The following TTC13 variants were observed in gnomAD, a reference collection of about 807,000 sequenced individuals.
The protein encoded by TTC13 is tetratricopeptide repeat protein 13.
TTC13 carries 62 observed loss-of-function variants against 120.0 expected under a neutral mutation model. The observed-to-expected ratio is 0.52, with a 90% CI of 0.42 to 0.64. The LOEUF (loss-of-function observed/expected upper bound fraction) is 0.64. Ranked by LOEUF, TTC13 falls within the 30% of genes least tolerant of loss-of-function variation. TTC13 has a pLI of 0.00. For missense variants in TTC13, 824 were observed against 1,050.2 expected (o/e 0.78, Z 2.98); for synonymous variants, 384 against 393.5 (o/e 0.98, Z 0.28).
chr1:230,929,064 C>G lies in TTC13; in HGVS notation c.1330G>C (p.Asp444His). ...EYSRYLHAHL[D>H]TPLTEYNIDV... ...ATGTTATATTCCGTAAGGGGGGTAT[C>G]AAGGTGTGCATGAAGATATCGAGAA... is the stretch of plus-strand genomic sequence containing the variant. The change falls in exon 12 of 23, where the codon GAT becomes CAT. Residue 444 changes from aspartate (D) to histidine (H), a missense_variant. Physicochemically the swap from Asp to His is moderately conservative, Grantham distance 81. Coordinates refer to ENST00000366661, the MANE Select transcript of TTC13 (RefSeq NM_024525.5). 1 of 1,614,048 alleles carries G rather than the reference C, an allele frequency of 6.2e-7. No homozygotes were observed. Among genetic ancestry groups the G allele is most frequent in the Non-Finnish European group, 8.5e-7 (1 of 1,180,002 alleles).
intron 13 of TTC13, among the ~76,000 whole-genome samples, 151 bp downstream of exon 13, chr1:230,925,364 TCA>T (rs1672962373): frequency 6.6e-6 from 1 of 152,202 alleles, no homozygotes; most frequent in Admixed American, 6.5e-5. Flanking sequence ...CTTTCAGAAT[TCA>T]GTTTGAATGA....
chr1:230,920,470 C>T (rs780862134), intron 17 of TTC13, 40 bp downstream of exon 17: 1 of 1,440,088 alleles, frequency 6.9e-7, no homozygotes, highest in Non-Finnish European at 9.8e-7. Context: ...GTTTTCTTTT[C>T]CTCTAAAAAC....
rs749849139 is a variant in TTC13 at position 230,954,363 on chromosome 1, T to G, written c.483A>C (p.Glu161Asp). The G allele has an allele frequency of 2.1e-5, 34 of 1,612,684 alleles. No individual in the cohort carries two copies. Among genetic ancestry groups the G allele is most frequent in the Non-Finnish European group, 2.8e-5 (33 of 1,179,356 alleles). The change falls in exon 4 of 23, where the codon GAA (glutamate) becomes GAC (aspartate). Residue 161 changes from glutamate (E) to aspartate (D), a missense_variant. Physicochemically the swap from Glu to Asp is conservative, Grantham distance 45 (BLOSUM62 2). Coordinates refer to ENST00000366661, the MANE Select transcript of TTC13 (RefSeq NM_024525.5). ...YVLIGSGLYD[E>D]AIRHFSTMLQ... ...GCATTGTTGAAAAATGCCGTATTGCTTCATCATACAGACCACTGCCAATCA... is the reference window on the plus strand; with the variant it reads ...GCATTGTTGAAAAATGCCGTATTGCGTCATCATACAGACCACTGCCAATCA...
chr1:230,933,103 G>A (rs888501932), intron 9 of TTC13, among the ~76,000 whole-genome samples: 1 of 152,098 alleles, frequency 6.6e-6, no homozygotes, highest in Non-Finnish European at 1.5e-5. Context: ...CTCCCAAGTA[G>A]TTGGGATTAC....
chr1:230,978,812 A>C lies in TTC13; in HGVS notation c.19T>G (p.Cys7Gly), dbSNP rs1294750254. Residue 7 changes from cysteine to glycine, a missense_variant, in exon 1 of 23, where the codon TGC becomes GGC. Physicochemically the swap from Cys to Gly is radical, Grantham distance 159 (BLOSUM62 -3). This residue lies in a region of TTC13 where 160 missense variants were observed against 137.2 expected (regional missense o/e 1.17). Coordinates refer to ENST00000366661, the MANE Select transcript of TTC13 (RefSeq NM_024525.5). The surrounding 1 kb of genome is among the most constrained non-coding windows in gnomAD (Gnocchi z 5.6). ...CCGCCCCAGAAGCAGCAGCAGCAGC[A>C]GCAGCCGGCAGGTGCCATCTTCCCT... MAPAGC[C>G]CCCCFWGGAV... 3.4e-6 allele frequency: 5 copies of C among 1,487,624 alleles called. No individual in the cohort carries two copies. The highest frequency in any genetic ancestry group is 4.4e-6 in the Non-Finnish European group (5 of 1,128,910). 92.2% of individuals were successfully genotyped at this position (1,487,624 alleles called of 1,614,324 possible).
chr1:230,918,623 G>A (rs560761327), intron 17 of TTC13, among the ~76,000 whole-genome samples: 13 of 152,246 alleles, frequency 8.5e-5, no homozygotes, highest in South Asian at 2.1e-4. Context: ...GAAGGTTGAG[G>A]GGCACTGTGT....
At chr1:230,933,742 G>T in intron 9 of TTC13, 37 bp downstream of exon 9, 1 of 1,200,938 alleles carries the variant, frequency 8.3e-7, no homozygotes, top group Non-Finnish European at 1.2e-6. Flanking sequence ...CCACTCTTCA[G>T]CCTCCCTCCT....
rs1017516343 is a variant in TTC13, at chr1:230,924,849, T to A, written c.1713A>T (p.Lys571Asn). Residue 571 changes from lysine to asparagine, a missense_variant, in exon 14 of 23, where the codon AAA (lysine) becomes AAT (asparagine). Coordinates refer to ENST00000366661, the MANE Select transcript of TTC13 (RefSeq NM_024525.5). ...ACTGAGATGTTAGTTACCTTCTCCATTTAACTGCAATGTCAAACATGTCTC... is the reference window on the plus strand; with the variant it reads ...ACTGAGATGTTAGTTACCTTCTCCAATTAACTGCAATGTCAAACATGTCTC... ...QWRDMFDIAV[K>N]WRRIADPDQP... is the part of the protein sequence containing the mutation. The A allele has an allele frequency of 6.2e-7, 1 of 1,614,218 alleles. No homozygotes were observed. The highest frequency in any genetic ancestry group is 1.1e-5 in the South Asian group (1 of 91,086).
intron 4 of TTC13, among the ~76,000 whole-genome samples, chr1:230,948,400 C>CAAAAAAAAAAAAAAA (rs57051929): frequency 1.0e-5 from 1 of 96,612 alleles, no homozygotes. Context: ...ACTCACAATA[C>CAAAAAAAAAAAAAAA]AAAAAAAAAA....
intron 3 of TTC13, among the ~76,000 whole-genome samples, chr1:230,956,077 C>T (rs749064802): frequency 2.6e-5 from 4 of 152,204 alleles, no homozygotes; most frequent in Non-Finnish European, 5.9e-5. Context: ...ATTTGCTCCT[C>T]CACTGCAATG....
In TTC13 at chr1:230,939,407, G is replaced by T. The variant is rs756348825; in HGVS notation, c.879C>A (p.Phe293Leu). The T allele has an allele frequency of 3.1e-6, 5 of 1,610,356 alleles. No individual in the cohort carries two copies. Among genetic ancestry groups the T allele is most frequent in the Non-Finnish European group, 4.2e-6 (5 of 1,177,286 alleles). Residue 293 changes from phenylalanine to leucine, a missense_variant, in exon 8 of 23, where the codon TTC becomes TTA. Physicochemically the swap from Phe to Leu is conservative, Grantham distance 22. This residue lies in a region of TTC13 where 430 missense variants were observed against 626.8 expected (regional missense o/e 0.69). Coordinates refer to ENST00000366661, the MANE Select transcript of TTC13 (RefSeq NM_024525.5). ...PIAMLYKGLT[F>L]FHRGLLKEAI... ...TCACCTTCAGAAGTCCTCTGTGAAA[G>T]AAAGTTAAACCTTTGTATAGCATAG...
rs1442008843 is a variant in TTC13 at position 230,921,404 on chromosome 1, G to A, written c.1898+17C>T. 5 of 1,360,066 alleles carry A rather than the reference G, an allele frequency of 3.7e-6. No individual in the cohort carries two copies. The South Asian group carries it at 6.3e-5, about 17-fold the overall frequency. The allele number at this position is 1,360,066 out of a possible 1,614,324, so 84.2% of individuals were successfully genotyped here. ...GAAATCAACTCATTACTAAGAAGGA[G>A]AAAATTAAAGGCTTACCCATGATAA... On this transcript the variant is annotated intron_variant, in intron 16 of 22. Coordinates refer to ENST00000366661, the MANE Select transcript of TTC13 (RefSeq NM_024525.5).
intron 1 of TTC13, among the ~76,000 whole-genome samples, chr1:230,970,346 A>G (rs1677608583): frequency 6.6e-6 from 1 of 152,242 alleles, no homozygotes; most frequent in Admixed American, 6.5e-5. Context: ...CCTTTGAGGA[A>G]TTCTGCTGTA....
At chr1:230,939,017 C>CA (rs1674322655) in intron 8 of TTC13, among the ~76,000 whole-genome samples, 1 of 152,322 alleles carries the variant, frequency 6.6e-6, no homozygotes, top group African/African-American at 2.4e-5. Flanking sequence ...TAATCCTACT[C>CA]AGTCTTCCAG....
At position 230,961,227 on chromosome 1, in the gene TTC13, G is replaced by C; in HGVS notation, c.348C>G (p.Leu116=). 1 of 1,613,840 alleles carries C rather than the reference G, an allele frequency of 6.2e-7. No individual in the cohort carries two copies. Among genetic ancestry groups the C allele is most frequent in the South Asian group, 1.1e-5 (1 of 91,022 alleles). ...TGCATACCAGAATCTTCTCAGTGTT[G>C]AGGGAAAGCAAGGAGTCACAGGGTG... ...GSSPCDSLLS[L]NTEKILSQAK... is the part of the protein sequence containing the mutation. Residue 116 remains leucine, a synonymous_variant, in exon 2 of 23, where the codon CTC becomes CTG. Transcript: ENST00000366661.
intron 8 of TTC13, 74 bp downstream of exon 8, chr1:230,939,312 T>A (rs1433764686): frequency 1.8e-5 from 15 of 827,594 alleles, no homozygotes; most frequent in Non-Finnish European, 2.9e-5. Flanking sequence ...CAGCCATCAA[T>A]CAAACGAAAT....
At chr1:230,910,321 CG>C (rs746834196) in intron 20 of TTC13, among the ~76,000 whole-genome samples, 2 of 152,166 alleles carry the variant, frequency 1.3e-5, no homozygotes, top group Non-Finnish European at 1.5e-5. Context: ...AAAAGAGCCA[CG>C]GAAGAGAGCG....
At chr1:230,920,958 TG>T (rs1672520886) in intron 16 of TTC13, among the ~76,000 whole-genome samples, 1 of 152,210 alleles carries the variant, frequency 6.6e-6, no homozygotes, top group Non-Finnish European at 1.5e-5. Context: ...TGTTTTGTGT[TG>T]TTTTTTTCCT....
At chr1:230,963,635 AAAATAAATAAATAAAT>A (rs145205225) in intron 1 of TTC13, among the ~76,000 whole-genome samples, 47,300 of 146,090 alleles carry the variant, frequency 0.32, 7,693 homozygotes, top group Middle Eastern at 0.48. Context: ...ACCCTGTCTC[AAAATAAATAAATAAAT>A]AAATAAATAA....
Sources: gnomAD v4.1 joint callset for allele counts (sites outside exome capture counted in the v4.1 genomes callset) on GRCh38, gnomAD v4.1.1 for gene constraint, gnomAD v4.1.1 regional missense constraint, Gnocchi (gnomAD v3.1) non-coding constraint, MANE v1.5 for transcripts, NCBI Gene and HGNC (gene_info 2026-07-23, HGNC 2026-07-21) for gene names.